The following KCND2 variants were observed in gnomAD, a reference collection of about 807,000 sequenced individuals.
The protein encoded by KCND2 is A-type voltage-gated potassium channel KCND2.
KCND2 carries 16 observed loss-of-function variants against 54.4 expected under a neutral mutation model. That is an observed-to-expected ratio of 0.29 (90% CI 0.20 to 0.45). The LOEUF (loss-of-function observed/expected upper bound fraction) is 0.45. KCND2 is among the 20% of genes least tolerant of loss of function. The probability of loss-of-function intolerance (pLI) is 1.00; values close to 1 mark genes in which losing one functional copy is unlikely to be tolerated. For synonymous variants in KCND2, 317 were observed against 310.7 expected (o/e 1.02, Z -0.21); for missense variants, 486 against 824.2 (o/e 0.59, Z 5.02).
intron 1 of KCND2, among the ~76,000 whole-genome samples, chr7:120,722,286 A>ACACCAGG (rs2116108132): frequency 6.6e-6 from 1 of 152,252 alleles, no homozygotes; most frequent in African/African-American, 2.4e-5. Flanking sequence ...TTGAGTGAGA[A>ACACCAGG]CACCAGGCCT....
At chr7:120,442,964 T>TA in intron 1 of KCND2, among the ~76,000 whole-genome samples, 1 of 152,286 alleles carries the variant, frequency 6.6e-6, no homozygotes, top group Non-Finnish European at 1.5e-5. Context: ...TTCTAGGAGA[T>TA]AGAGTGCAAG....
intron 1 of KCND2, among the ~76,000 whole-genome samples, chr7:120,611,027 A>T (rs1225651242): frequency 6.6e-6 from 1 of 152,126 alleles, no homozygotes; most frequent in Non-Finnish European, 1.5e-5. Flanking sequence ...TTGTTATCCA[A>T]GTTTTACCTT....
chr7:120,699,055 C>T (rs773178622), intron 1 of KCND2, among the ~76,000 whole-genome samples: 42 of 151,988 alleles, frequency 2.8e-4, no homozygotes, highest in Non-Finnish European at 3.8e-4. Context: ...CCGAGGTGGG[C>T]GGATCATGAG....
intron 1 of KCND2, among the ~76,000 whole-genome samples, chr7:120,562,955 T>C (rs1792253513): frequency 6.6e-6 from 1 of 152,148 alleles, no homozygotes; most frequent in African/African-American, 2.4e-5. Flanking sequence ...TGAAAAGATA[T>C]TTGGCAGCTG....
At chr7:120,712,087 A>G (rs1456205111) in intron 1 of KCND2, among the ~76,000 whole-genome samples, 1 of 148,898 alleles carries the variant, frequency 6.7e-6, no homozygotes, top group Non-Finnish European at 1.5e-5. Flanking sequence ...TCCTTGTCCT[A>G]CCTTCTGTCA....
At chr7:120,389,827 G>A (rs967537542) in intron 1 of KCND2, among the ~76,000 whole-genome samples, 2 of 151,864 alleles carry the variant, frequency 1.3e-5, no homozygotes, top group Non-Finnish European at 2.9e-5. Context: ...ATCCTGGGTT[G>A]TTGAATAATT....
At chr7:120,543,570 T>A (rs1792008038) in intron 1 of KCND2, among the ~76,000 whole-genome samples, 1 of 151,998 alleles carries the variant, frequency 6.6e-6, no homozygotes, top group Admixed American at 6.6e-5. Context: ...TTTGAATGGG[T>A]GATTATATTC....
chr7:120,574,740 A>G (rs1021005192), intron 1 of KCND2, among the ~76,000 whole-genome samples: 1 of 152,210 alleles, frequency 6.6e-6, no homozygotes, highest in South Asian at 2.1e-4. Context: ...TCACCATTCT[A>G]GGTTTTTTTT....
At chr7:120,680,146 T>G (rs1199841681) in intron 1 of KCND2, among the ~76,000 whole-genome samples, 4 of 152,108 alleles carry the variant, frequency 2.6e-5, no homozygotes, top group African/African-American at 9.7e-5. Flanking sequence ...CTACCAGAAA[T>G]TTTTATAGCC....
At chr7:120,599,448 T>G (rs1368501390) in intron 1 of KCND2, among the ~76,000 whole-genome samples, 1 of 152,082 alleles carries the variant, frequency 6.6e-6, no homozygotes, top group East Asian at 1.9e-4. Context: ...GTACTGAGTC[T>G]TCCAGTGCAC....
At chr7:120,507,604 G>A (rs754814695) in intron 1 of KCND2, among the ~76,000 whole-genome samples, 8 of 151,738 alleles carry the variant, frequency 5.3e-5, no homozygotes, top group Admixed American at 1.3e-4. Context: ...GACTACTGCC[G>A]CAACAACTAT....
At chr7:120,620,449 A>G (rs1007694434) in intron 1 of KCND2, among the ~76,000 whole-genome samples, 5 of 152,334 alleles carry the variant, frequency 3.3e-5, no homozygotes, top group Non-Finnish European at 7.4e-5. Context: ...AAAAAAATAA[A>G]TAAATATGGT....
intron 1 of KCND2, among the ~76,000 whole-genome samples, chr7:120,603,114 G>A (rs1792834964): frequency 6.6e-6 from 1 of 152,144 alleles, no homozygotes; most frequent in Admixed American, 6.5e-5. Context: ...TATACTCATT[G>A]ACATGTGACC....
intron 1 of KCND2, among the ~76,000 whole-genome samples, chr7:120,349,858 G>T (rs1175592955): frequency 1.3e-5 from 2 of 152,036 alleles, no homozygotes; most frequent in Non-Finnish European, 2.9e-5. Flanking sequence ...GTCCACTGCA[G>T]ATGTAATAAG....
chr7:120,734,452 T>A (rs894721821), intron 2 of KCND2, among the ~76,000 whole-genome samples: 2 of 152,120 alleles, frequency 1.3e-5, no homozygotes, highest in Non-Finnish European at 2.9e-5. Context: ...AATTAAGCAA[T>A]TGTAAAGTCA....
intron 1 of KCND2, among the ~76,000 whole-genome samples, chr7:120,647,578 T>A (rs1793457843): frequency 6.6e-6 from 1 of 152,226 alleles, no homozygotes; most frequent in Admixed American, 6.5e-5. Context: ...CTAGTCAGGT[T>A]GATACAGCAA....
At chr7:120,273,026 C>A (rs917034898), upstream of KCND2, among the ~76,000 whole-genome samples, 11 of 152,028 alleles carry the variant, frequency 7.2e-5, no homozygotes. Flanking sequence ...ATCCGAGGCT[C>A]GCTTTTCTCC....
chr7:120,294,256 A>T (rs1275942116), intron 1 of KCND2, among the ~76,000 whole-genome samples: 1 of 152,108 alleles, frequency 6.6e-6, no homozygotes, highest in South Asian at 2.1e-4. Flanking sequence ...TACATTCATT[A>T]TAGCAGAAAG....
chr7:120,403,911 A>G (rs970364244), intron 1 of KCND2, among the ~76,000 whole-genome samples: 1 of 152,096 alleles, frequency 6.6e-6, no homozygotes, highest in Non-Finnish European at 1.5e-5. Flanking sequence ...ATCTCAAGGT[A>G]TTTTTGCACA....
Sources: gnomAD v4.1 joint callset for allele counts (sites outside exome capture counted in the v4.1 genomes callset) on GRCh38, gnomAD v4.1.1 for gene constraint, MANE v1.5 for transcripts, NCBI Gene and HGNC (gene_info 2026-07-23, HGNC 2026-07-21) for gene names.